Variants in CNTNAP2 observed in about 807,000 individuals in gnomAD.
CNTNAP2 encodes contactin associated protein 2, also known as contactin-associated protein-like 2.
Under a neutral mutation model 155.2 loss-of-function variants are expected in CNTNAP2, and 98 were observed. The observed-to-expected ratio is 0.63, with a 90% confidence interval of 0.54 to 0.75. The LOEUF (loss-of-function observed/expected upper bound fraction) is 0.75. Ranked by LOEUF, CNTNAP2 falls within the 30% of genes least tolerant of loss-of-function variation. CNTNAP2 has a pLI of 0.00. For synonymous variants in CNTNAP2, 651 were observed against 631.2 expected, an observed-to-expected ratio of 1.03 and a Z score of -0.47; for missense variants, 1,727 against 1,688.1, an observed-to-expected ratio of 1.02 and a Z score of -0.40.
chr7:146,146,298 A>T (rs1235083652), intron 1 of CNTNAP2, among the ~76,000 whole-genome samples: 1 of 152,170 alleles, frequency 6.6e-6, no homozygotes, highest in Non-Finnish European at 1.5e-5. Flanking sequence ...TTCAGTAACC[A>T]TTCATTAAGG....
At chr7:147,900,725 T>C (rs1428935920) in intron 13 of CNTNAP2, among the ~76,000 whole-genome samples, 1 of 152,154 alleles carries the variant, frequency 6.6e-6, no homozygotes, top group Non-Finnish European at 1.5e-5. Flanking sequence ...CAAGCAATTC[T>C]CCTGCCTCAG....
chr7:148,401,454 C>A (rs2116699631), intron 22 of CNTNAP2, among the ~76,000 whole-genome samples: 1 of 152,196 alleles, frequency 6.6e-6, no homozygotes, highest in South Asian at 2.1e-4. Flanking sequence ...CAATTATAAC[C>A]AAACATTAGG....
rs938382204 is a variant in CNTNAP2 at position 148,417,457 on chromosome 7, G to C, written c.*1841G>C. ...ATGCCCTTTTACCATTGCTGGTTGA[G>C]CTCAGGCACTGTCATGGACACCCTT... On this transcript the variant is annotated 3_prime_UTR_variant, in exon 24 of 24. Coordinates refer to ENST00000361727, the MANE Select transcript of CNTNAP2 (RefSeq NM_014141.6). The C allele has an allele frequency of 2.0e-5, 3 of 152,624 alleles. No homozygotes were observed. The highest frequency in any genetic ancestry group is 7.2e-5 in the African/African-American group (3 of 41,436). The allele number at this position is 152,624 out of a possible 1,614,324, so 9.5% of individuals were successfully genotyped here.
chr7:148,082,050 G>A (rs58061565), intron 15 of CNTNAP2, among the ~76,000 whole-genome samples: 7,741 of 152,180 alleles, frequency 0.051, 249 homozygotes, highest in Admixed American at 0.11. Context: ...GGGCTCAAGG[G>A]ATTCTCCTGC....
chr7:147,968,686 TTTC>T, intron 14 of CNTNAP2, among the ~76,000 whole-genome samples: 1 of 152,208 alleles, frequency 6.6e-6, no homozygotes, highest in South Asian at 2.1e-4. Flanking sequence ...AGCCCATGGG[TTTC>T]CCTTTTAAGA....
chr7:147,526,576 A>G lies in CNTNAP2; in HGVS notation c.1778-35562A>G, dbSNP rs1282267989. 2.6e-5 allele frequency among the ~76,000 whole-genome samples: 4 copies of G among 152,332 alleles called. No homozygotes were observed. In the East Asian group the frequency reaches 7.7e-4, roughly 29 times the overall value. ...ATTGCTTGAAGGAATAATTTTTGAC[A>G]AGGTCCTGATTTTAAAGGCTAATGT... On this transcript the variant is annotated intron_variant, in intron 11 of 23. Coordinates refer to ENST00000361727, the MANE Select transcript of CNTNAP2 (RefSeq NM_014141.6).
intron 1 of CNTNAP2, among the ~76,000 whole-genome samples, chr7:146,624,518 C>T (rs919120229): frequency 6.6e-6 from 1 of 151,980 alleles, no homozygotes; most frequent in African/African-American, 2.4e-5. Context: ...ATCCTCTCTT[C>T]ATTTCAAATG....
intron 1 of CNTNAP2, among the ~76,000 whole-genome samples, chr7:146,191,099 G>A (rs927749676): frequency 4.8e-5 from 7 of 145,300 alleles, no homozygotes; most frequent in Non-Finnish European, 9.0e-5. Context: ...ATTCAATGTA[G>A]GTTCTTTTCA....
chr7:146,817,197 T>C (rs898010435), intron 2 of CNTNAP2, among the ~76,000 whole-genome samples: 15 of 152,010 alleles, frequency 9.9e-5, no homozygotes, highest in African/African-American at 3.4e-4. Flanking sequence ...CTGGGCCAGG[T>C]GCGGTGACTC....
At chr7:147,625,436 G>C (rs996672613) in intron 12 of CNTNAP2, among the ~76,000 whole-genome samples, 1 of 152,170 alleles carries the variant, frequency 6.6e-6, no homozygotes, top group Non-Finnish European at 1.5e-5. Context: ...TTCCAAAGGA[G>C]TTATTGCAAT....
chr7:147,771,260 A>G (rs1235170456), intron 13 of CNTNAP2, among the ~76,000 whole-genome samples: 1 of 152,236 alleles, frequency 6.6e-6, no homozygotes, highest in East Asian at 1.9e-4. Flanking sequence ...AAGATAATAT[A>G]GGAAAAATCT....
chr7:146,987,171 G>A (rs1294090563), intron 3 of CNTNAP2, among the ~76,000 whole-genome samples: 2 of 152,116 alleles, frequency 1.3e-5, no homozygotes, highest in African/African-American at 4.8e-5. Flanking sequence ...GTTCTTTGAT[G>A]CCAACATTAG....
chr7:147,314,599 A>G (rs1795192112), intron 9 of CNTNAP2, among the ~76,000 whole-genome samples: 2 of 147,978 alleles, frequency 1.4e-5, no homozygotes, highest in Admixed American at 6.8e-5. Flanking sequence ...ATTGGACTAT[A>G]TGGTATTATT....
At chr7:147,732,342 C>A (rs956991183) in intron 13 of CNTNAP2, among the ~76,000 whole-genome samples, 5 of 152,102 alleles carry the variant, frequency 3.3e-5, no homozygotes, top group African/African-American at 1.2e-4. Context: ...GCAGCTTCAT[C>A]CATGTCCCTA....
At position 148,383,873 on chromosome 7, in the gene CNTNAP2, G is replaced by A; in HGVS notation, c.3700G>A (p.Asp1234Asn). 1 of 1,613,780 alleles carries A rather than the reference G, an allele frequency of 6.2e-7. No individual in the cohort carries two copies. ...GTCCGCCACCGACCCCTGGCACCTGGATCACCTGGATTCAGGTAAAGTCTT... is the reference window on the plus strand; with the variant it reads ...GTCCGCCACCGACCCCTGGCACCTGAATCACCTGGATTCAGGTAAAGTCTT... ...MSSATDPWHL[D>N]HLDSASADFP... The change falls in exon 22 of 24, where the codon GAT becomes AAT. Residue 1234 changes from aspartate to asparagine, a missense_variant. By Grantham distance (23) the Asp-to-Asn change is conservative. Transcript: ENST00000361727.
intron 15 of CNTNAP2, among the ~76,000 whole-genome samples, chr7:148,033,597 C>A (rs2707584): frequency 0.27 from 40,703 of 152,032 alleles, 5,713 homozygotes; most frequent in Middle Eastern, 0.35. Context: ...GCAAGACAAC[C>A]TCCTTTAGAG....
intron 1 of CNTNAP2, among the ~76,000 whole-genome samples, chr7:146,757,357 G>T (rs868312705): frequency 1.3e-5 from 2 of 152,102 alleles, no homozygotes; most frequent in Admixed American, 1.3e-4. Context: ...TCATTGTTCT[G>T]CTATGAATCC....
chr7:147,792,830 G>T (rs6961193), intron 13 of CNTNAP2, among the ~76,000 whole-genome samples: 2,356 of 152,090 alleles, frequency 0.015, 76 homozygotes, highest in African/African-American at 0.054. Flanking sequence ...AGTGTATAAA[G>T]GTTTCCATTT....
intron 1 of CNTNAP2, among the ~76,000 whole-genome samples, chr7:146,261,766 T>C (rs1015278966): frequency 6.6e-6 from 1 of 152,160 alleles, no homozygotes; most frequent in African/African-American, 2.4e-5. Flanking sequence ...GGAGACTAAA[T>C]TTATTTTCTT....
Sources: allele counts gnomAD v4.1 joint callset (sites outside exome capture counted in the v4.1 genomes callset), GRCh38; gene constraint gnomAD v4.1.1; transcripts MANE v1.5; gene names NCBI Gene and HGNC (gene_info 2026-07-23, HGNC 2026-07-21).